Variants in CHST8 observed in about 807,000 individuals in gnomAD.
The protein encoded by CHST8 is carbohydrate sulfotransferase 8.
A neutral mutation model predicts 15.0 loss-of-function variants in CHST8; 10 were observed. That is an observed-to-expected ratio of 0.67 (90% CI 0.41 to 1.13). The LOEUF (loss-of-function observed/expected upper bound fraction) is 1.13. Ranked by LOEUF, CHST8 falls within the 50% of genes most tolerant of loss-of-function variation. CHST8 has a pLI of 0.00. For synonymous variants in CHST8, 259 were observed against 256.6 expected (o/e 1.01, Z -0.09); for missense variants, 634 against 608.2 (o/e 1.04, Z -0.45).
rs572951516 is a variant in CHST8 at position 33,672,637 on chromosome 19, C to T, written c.-87+4794C>T. On this transcript the variant is annotated intron_variant, in intron 2 of 4. Coordinates refer to ENST00000650847, the MANE Select transcript of CHST8 (RefSeq NM_001127895.2). ...AAGCTGGGCAGGGACTCTGACTGGC[C>T]GGGCAGTCGGGGCCCACACAACCAG... 3.9e-5 allele frequency among the ~76,000 whole-genome samples: 6 copies of T among 152,262 alleles called. No individual in the cohort carries two copies. In the East Asian group the frequency reaches 5.8e-4, roughly 15 times the overall value.
chr19:33,649,858 G>A (rs1385410083), intron 1 of CHST8, among the ~76,000 whole-genome samples: 1 of 152,174 alleles, frequency 6.6e-6, no homozygotes, highest in Non-Finnish European at 1.5e-5. Context: ...GTTAGTGCCT[G>A]GCGGTGGGTA....
At chr19:33,727,827 G>A (rs1973929603) in intron 3 of CHST8, among the ~76,000 whole-genome samples, 1 of 152,360 alleles carries the variant, frequency 6.6e-6, no homozygotes, top group Admixed American at 6.5e-5. Flanking sequence ...TGTGGCGTTT[G>A]CACAAGCCTG....
chr19:33,639,083 G>GA, intron 1 of CHST8, among the ~76,000 whole-genome samples: 1 of 88,368 alleles, frequency 1.1e-5, no homozygotes, highest in African/African-American at 4.6e-5. Context: ...AGGTGATCCT[G>GA]ACCAAAAAAA....
At chr19:33,699,772 GC>G (rs1252464114) in intron 3 of CHST8, among the ~76,000 whole-genome samples, 1 of 152,166 alleles carries the variant, frequency 6.6e-6, no homozygotes, top group African/African-American at 2.4e-5. Flanking sequence ...ACACTGCCCT[GC>G]CTGTGCCTGT....
intron 3 of CHST8, among the ~76,000 whole-genome samples, chr19:33,736,957 G>A (rs987958931): frequency 1.1e-4 from 16 of 152,098 alleles, no homozygotes; most frequent in African/African-American, 3.9e-4. Context: ...AGCAACCTCC[G>A]GTTACCCTTA....
chr19:33,742,180 C>T (rs537987673), intron 3 of CHST8, among the ~76,000 whole-genome samples: 2 of 152,292 alleles, frequency 1.3e-5, no homozygotes, highest in East Asian at 3.9e-4. Context: ...GTGTATTTGC[C>T]ATGATGCCAT....
chr19:33,717,294 C>T (rs1026413062), intron 3 of CHST8, among the ~76,000 whole-genome samples: 19 of 151,982 alleles, frequency 1.3e-4, no homozygotes, highest in Admixed American at 8.5e-4. Flanking sequence ...GACCCTGTCT[C>T]TAATAAAAAT....
intron 1 of CHST8, among the ~76,000 whole-genome samples, chr19:33,654,421 T>A (rs905011846): frequency 2.0e-5 from 3 of 152,108 alleles, no homozygotes; most frequent in African/African-American, 7.2e-5. Flanking sequence ...TGCAATATTC[T>A]AGGGAAGCAA....
At chr19:33,747,997 G>C (rs1191504907) in intron 3 of CHST8, among the ~76,000 whole-genome samples, 4 of 152,148 alleles carry the variant, frequency 2.6e-5, no homozygotes, top group African/African-American at 9.7e-5. Flanking sequence ...CCTGGGGAAG[G>C]AGATTTTCCT....
At position 33,756,677 on chromosome 19, in the gene CHST8, C is replaced by T. The variant is rs144865435; in HGVS notation, c.131-14736C>T. Among the ~76,000 whole-genome samples, 242 of 152,326 alleles carry T rather than the reference C, an allele frequency of 1.6e-3. 1 individual carries two copies. The highest frequency in any genetic ancestry group is 2.1e-3 in the Non-Finnish European group (146 of 68,034). On this transcript the variant is annotated intron_variant, in intron 3 of 4. Transcript: ENST00000650847. Reference sequence around the variant, plus strand: ...ATCCAACATTTCCTTTTCCTACCCCCGCCCAACCTGCCTAAGTTCAGATGT... The same window carrying T: ...ATCCAACATTTCCTTTTCCTACCCCTGCCCAACCTGCCTAAGTTCAGATGT...
intron 3 of CHST8, among the ~76,000 whole-genome samples, chr19:33,725,807 GT>G (rs1490797872): frequency 6.6e-6 from 1 of 152,220 alleles, no homozygotes; most frequent in Non-Finnish European, 1.5e-5. Context: ...CTCTCATCTG[GT>G]CGTGGTGGGT....
At chr19:33,622,820 C>T (rs1252924702) in intron 1 of CHST8, among the ~76,000 whole-genome samples, 1 of 151,704 alleles carries the variant, frequency 6.6e-6, no homozygotes, top group East Asian at 2.0e-4. Context: ...CCCCGACCCG[C>T]AACTCTCCAG....
chr19:33,763,213 AC>A (rs1426206105), intron 3 of CHST8, among the ~76,000 whole-genome samples: 1 of 151,906 alleles, frequency 6.6e-6, no homozygotes, highest in Non-Finnish European at 1.5e-5. Context: ...CTCCACATGG[AC>A]CCTCCAGGGT....
At chr19:33,664,289 T>C (rs944244852) in intron 1 of CHST8, among the ~76,000 whole-genome samples, 28 of 151,996 alleles carry the variant, frequency 1.8e-4, no homozygotes, top group African/African-American at 6.7e-4. Flanking sequence ...TATTTATTTA[T>C]TTATTATTAT....
chr19:33,721,591 T>TGGATGGAC (rs916701223), intron 3 of CHST8, among the ~76,000 whole-genome samples: 7 of 125,410 alleles, frequency 5.6e-5, no homozygotes, highest in African/African-American at 2.2e-4. Flanking sequence ...AGTGGGCATA[T>TGGATGGAC]GGATGGATGG....
intron 3 of CHST8, among the ~76,000 whole-genome samples, chr19:33,742,048 C>A (rs1443522341): frequency 6.6e-6 from 1 of 151,862 alleles, no homozygotes; most frequent in Non-Finnish European, 1.5e-5. Context: ...GGGCTAAGAC[C>A]CCAGATGTAA....
intron 1 of CHST8, among the ~76,000 whole-genome samples, chr19:33,646,062 A>G (rs1218893877): frequency 6.6e-6 from 1 of 152,170 alleles, no homozygotes; most frequent in Non-Finnish European, 1.5e-5. Flanking sequence ...CAGGAGTTTG[A>G]GGCTGCAGTG....
intron 3 of CHST8, among the ~76,000 whole-genome samples, chr19:33,738,757 T>A (rs1974130553): frequency 6.6e-6 from 1 of 152,098 alleles, no homozygotes; most frequent in Non-Finnish European, 1.5e-5. Context: ...GCCCGGCTAA[T>A]TTTTGTACTT....
Position 33,706,584 on chromosome 19 carries a change from G to A in CHST8, c.130+17193G>A, listed in dbSNP as rs374977058. ...GCCCCACAGAGTGAGTTGTCTGTCG[G>A]TTGTCAGCCACAGGATTGGGTGACA... On this transcript the variant is annotated intron_variant, in intron 3 of 4. Transcript: ENST00000650847. 4.3e-4 allele frequency among the ~76,000 whole-genome samples: 65 copies of A among 152,246 alleles called. 1 individual carries two copies. The highest frequency in any genetic ancestry group is 1.4e-3 in the African/African-American group (57 of 41,538).
Sources: gnomAD v4.1 joint callset for allele counts (sites outside exome capture counted in the v4.1 genomes callset) on GRCh38, gnomAD v4.1.1 for gene constraint, MANE v1.5 for transcripts, NCBI Gene and HGNC (gene_info 2026-07-23, HGNC 2026-07-21) for gene names.